Variants in ADGRL2 observed in about 807,000 individuals in gnomAD.
ADGRL2 encodes the protein calcium-independent alpha-latrotoxin receptor 2.
In ADGRL2, 44 loss-of-function variants were observed where a neutral mutation model predicts 157.4. That is an observed-to-expected ratio of 0.28 (90% CI 0.22 to 0.36). The LOEUF (loss-of-function observed/expected upper bound fraction) is 0.36. Among genes scored for constraint, ADGRL2 ranks in the 10% least tolerant of loss-of-function variants. ADGRL2 has a pLI of 1.00. For missense variants in ADGRL2, 1,510 were observed against 1,768.9 expected, an observed-to-expected ratio of 0.85 and a Z score of 2.63; for synonymous variants, 585 against 624.7, an observed-to-expected ratio of 0.94 and a Z score of 0.95.
At chr1:81,858,803 T>G (rs936605154) in intron 2 of ADGRL2, among the ~76,000 whole-genome samples, 3 of 152,210 alleles carry the variant, frequency 2.0e-5, no homozygotes, top group Non-Finnish European at 4.4e-5. Flanking sequence ...ATTTACCATT[T>G]TTTCCCGGAT....
At chr1:81,399,269 A>T (rs1323537919) in intron 1 of ADGRL2, among the ~76,000 whole-genome samples, 3 of 152,214 alleles carry the variant, frequency 2.0e-5, no homozygotes, top group Admixed American at 2.0e-4. Context: ...TCTGCCTCCA[A>T]TTCAACATGA....
At chr1:81,623,833 C>T (rs2081851550) in intron 3 of ADGRL2, among the ~76,000 whole-genome samples, 1 of 152,018 alleles carries the variant, frequency 6.6e-6, no homozygotes, top group Admixed American at 6.6e-5. Flanking sequence ...GACGGAGTTT[C>T]ACCATGTTGG....
chr1:81,399,868 G>A (rs2076721427), intron 1 of ADGRL2, among the ~76,000 whole-genome samples: 1 of 151,908 alleles, frequency 6.6e-6, no homozygotes, highest in Non-Finnish European at 1.5e-5. Context: ...GTTTCCTGTA[G>A]CCCTGTGTTG....
At chr1:81,950,113 C>A in intron 6 of ADGRL2, 76 bp from the exon 7 acceptor site, 1 of 1,238,336 alleles carries the variant, frequency 8.1e-7, no homozygotes, top group Non-Finnish European at 1.2e-6. Flanking sequence ...TGTGCATGCA[C>A]ACATTCCATG....
At chr1:81,875,359 A>G (rs566874690) in intron 2 of ADGRL2, among the ~76,000 whole-genome samples, 5 of 152,208 alleles carry the variant, frequency 3.3e-5, no homozygotes, top group Admixed American at 6.6e-5. Context: ...TGAAAAATAT[A>G]TAGGAAAATA....
intron 2 of ADGRL2, among the ~76,000 whole-genome samples, chr1:81,854,452 T>A (rs1338928981): frequency 2.0e-5 from 3 of 152,214 alleles, no homozygotes; most frequent in African/African-American, 7.2e-5. Flanking sequence ...AAATTCTGAC[T>A]CTCATCAGCT....
intron 14 of ADGRL2, among the ~76,000 whole-genome samples, chr1:81,968,714 C>T (rs35187327): frequency 0.14 from 21,360 of 152,114 alleles, 1,822 homozygotes; most frequent in Middle Eastern, 0.3. Flanking sequence ...GTAGCATTTC[C>T]GTCTCAGATC....
chr1:81,849,328 A>T (rs1396394490), intron 2 of ADGRL2, among the ~76,000 whole-genome samples: 2 of 151,924 alleles, frequency 1.3e-5, no homozygotes, highest in East Asian at 3.9e-4. Flanking sequence ...AACAAAGCAT[A>T]TTTAAAAGCA....
chr1:81,827,963 TTAAAA>T (rs2091639960), intron 1 of ADGRL2, among the ~76,000 whole-genome samples: 1 of 152,256 alleles, frequency 6.6e-6, no homozygotes, highest in Non-Finnish European at 1.5e-5. Flanking sequence ...AATTAATTTC[TTAAAA>T]TAATAGACTA....
At chr1:81,920,390 T>C (rs956025001) in intron 3 of ADGRL2, among the ~76,000 whole-genome samples, 1 of 152,164 alleles carries the variant, frequency 6.6e-6, no homozygotes. Flanking sequence ...GTAGTGTGCC[T>C]CCCACGTTCG....
chr1:81,932,887 A>G (rs1429520908), intron 3 of ADGRL2, among the ~76,000 whole-genome samples: 1 of 152,030 alleles, frequency 6.6e-6, no homozygotes, highest in Non-Finnish European at 1.5e-5. Context: ...TTTTTAGTAG[A>G]GACGGGGTTT....
At chr1:81,552,802 C>T (rs1232508384) in intron 2 of ADGRL2, among the ~76,000 whole-genome samples, 1 of 152,132 alleles carries the variant, frequency 6.6e-6, no homozygotes, top group East Asian at 1.9e-4. Context: ...ATGTACTACA[C>T]AATCTGTATT....
At chr1:81,578,471 G>T (rs1219981704) in intron 2 of ADGRL2, among the ~76,000 whole-genome samples, 1 of 152,112 alleles carries the variant, frequency 6.6e-6, no homozygotes, top group East Asian at 1.9e-4. Flanking sequence ...TACTGTTAAT[G>T]AAACAATTTT....
chr1:81,324,082 T>C (rs1660717398), intron 1 of ADGRL2, among the ~76,000 whole-genome samples: 1 of 152,122 alleles, frequency 6.6e-6, no homozygotes, highest in African/African-American at 2.4e-5. Flanking sequence ...GTCTGGCTAA[T>C]GTATTGGAAG....
chr1:81,463,886 AT>A (rs1481120073), intron 2 of ADGRL2, among the ~76,000 whole-genome samples: 1 of 152,196 alleles, frequency 6.6e-6, no homozygotes, highest in Non-Finnish European at 1.5e-5. Context: ...TTAAAAGAAA[AT>A]TGTATTAAAG....
chr1:81,554,727 A>C (rs1570480803), intron 2 of ADGRL2, among the ~76,000 whole-genome samples: 1 of 152,106 alleles, frequency 6.6e-6, no homozygotes, highest in Non-Finnish European at 1.5e-5. Flanking sequence ...CCTTGAGGTC[A>C]TATTATATGA....
At chr1:81,926,425 G>A (rs188476167) in intron 3 of ADGRL2, among the ~76,000 whole-genome samples, 126 of 152,018 alleles carry the variant, frequency 8.3e-4, no homozygotes, top group Non-Finnish European at 1.5e-3. Context: ...GTCTTATTAC[G>A]CTGTGTCTTT....
intron 1 of ADGRL2, among the ~76,000 whole-genome samples, chr1:81,355,027 T>C (rs7534535): frequency 0.25 from 37,384 of 152,172 alleles, 5,347 homozygotes; most frequent in East Asian, 0.62. Flanking sequence ...AGTTACTCTC[T>C]CTGTAAAGCT....
chr1:81,912,449 G>C (rs2094752190), intron 3 of ADGRL2, among the ~76,000 whole-genome samples: 1 of 152,118 alleles, frequency 6.6e-6, no homozygotes, highest in Non-Finnish European at 1.5e-5. Context: ...GTTTATTTCA[G>C]AACTGGGTGG....
Sources: allele counts gnomAD v4.1 joint callset (sites outside exome capture counted in the v4.1 genomes callset), GRCh38; gene constraint gnomAD v4.1.1; transcripts MANE v1.5; gene names NCBI Gene and HGNC (gene_info 2026-07-23, HGNC 2026-07-21).